Variants in CD8B observed in about 807,000 individuals in gnomAD.
The protein encoded by CD8B is CD8 subunit beta.
In CD8B, 6 loss-of-function variants were observed where a neutral mutation model predicts 24.2. The ratio of observed to expected loss-of-function variants is 0.25; its 90% CI spans 0.14 to 0.49. The LOEUF is 0.49. Among genes scored for constraint, CD8B ranks in the 20% least tolerant of loss-of-function variants. CD8B has a pLI of 0.98. For missense variants in CD8B, 196 were observed against 271.3 expected (o/e 0.72, Z 1.95); for synonymous variants, 84 against 108.3 (o/e 0.78, Z 1.39).
intron 5 of CD8B, among the ~76,000 whole-genome samples, chr2:86,830,548 CAG>C (rs1326918667): frequency 4.0e-5 from 6 of 150,322 alleles, no homozygotes; most frequent in African/African-American, 1.5e-4. Context: ...GCCTAGGGGA[CAG>C]AGTGAGACTC....
chr2:86,850,875 GAA>G (rs1675940707), intron 3 of CD8B, among the ~76,000 whole-genome samples: 1 of 152,132 alleles, frequency 6.6e-6, no homozygotes, highest in Non-Finnish European at 1.5e-5. Flanking sequence ...TGGATCACCT[GAA>G]GTCAGGAGCT....
intron 5 of CD8B, among the ~76,000 whole-genome samples, chr2:86,831,198 C>T (rs562932259): frequency 2.6e-5 from 4 of 152,204 alleles, no homozygotes; most frequent in South Asian, 2.1e-4. Flanking sequence ...GACTTCCAAT[C>T]GCTGGGATTA....
At chr2:86,816,188 G>A (rs367878821) in intron 5 of CD8B, among the ~76,000 whole-genome samples, 2 of 152,150 alleles carry the variant, frequency 1.3e-5, no homozygotes, top group African/African-American at 4.8e-5. Flanking sequence ...CTTCAGAGAG[G>A]TCCCCATGCT....
intron 1 of CD8B, among the ~76,000 whole-genome samples, chr2:86,859,109 A>C (rs1042930445): frequency 1.3e-5 from 2 of 152,094 alleles, no homozygotes; most frequent in Non-Finnish European, 2.9e-5. Flanking sequence ...CAAACTGCCG[A>C]AGGAGACCCA....
rs1454047659 is a variant in CD8B at position 86,841,549 on chromosome 2, A to G, written c.*758T>C. 41 of 983,258 alleles carry G rather than the reference A, an allele frequency of 4.2e-5. No individual in the cohort carries two copies. The highest frequency in any genetic ancestry group is 5.0e-5 in the Non-Finnish European group (41 of 828,036). 60.9% of individuals were successfully genotyped at this position (983,258 alleles called of 1,614,324 possible). A position where few individuals can be genotyped will look rare whatever the true frequency, so the allele number is the denominator to read the frequency against. ...CGGAGCACTGATGTCTTTGCTGTAG[A>G]TGGGCTTTCGCACGTTTATGTCACA... On this transcript the variant is annotated 3_prime_UTR_variant, in exon 6 of 6. Transcript: ENST00000390655.
intron 5 of CD8B, among the ~76,000 whole-genome samples, chr2:86,844,072 T>A (rs553710825): frequency 6.6e-6 from 1 of 152,212 alleles, no homozygotes; most frequent in African/African-American, 2.4e-5. Flanking sequence ...AAAAATCAAA[T>A]GCAGGAATGC....
rs1434770388 is a variant in CD8B at position 86,824,016 on chromosome 2, G to A, written c.621-8298C>T. ...ATGTGTGTGTGTGTGTGTATGCTGG[G>A]GGACACGCAGGGAGATGGCAGGCCT... On this transcript the variant is annotated intron_variant, in intron 5 of 5. Transcript: ENST00000331469. Among the ~76,000 whole-genome samples the A allele has an allele frequency of 2.0e-5, 3 of 151,412 alleles. No individual in the cohort carries two copies. The East Asian group carries it at 5.8e-4, about 29-fold the overall frequency.
intron 1 of CD8B, among the ~76,000 whole-genome samples, chr2:86,860,248 C>T (rs533162607): frequency 8.3e-4 from 127 of 152,146 alleles, no homozygotes; most frequent in African/African-American, 2.9e-3. Context: ...CCAGCCTGGG[C>T]GACAGAGCAA....
chr2:86,845,698 A>G (rs972740714), intron 4 of CD8B, among the ~76,000 whole-genome samples: 1 of 152,240 alleles, frequency 6.6e-6, no homozygotes, highest in Admixed American at 6.5e-5. Context: ...CGCTTATTTA[A>G]TATTTTATGC....
At chr2:86,833,592 C>T (rs1180460396), downstream of CD8B, among the ~76,000 whole-genome samples, 1 of 112,210 alleles carries the variant, frequency 8.9e-6, no homozygotes, top group Admixed American at 9.2e-5. Context: ...CTCTCTCACC[C>T]TTTCCCCTCC....
At position 86,830,639 on chromosome 2, in the gene CD8B, G is replaced by A. The variant is rs192553343; in HGVS notation, c.620+14283C>T. Among the ~76,000 whole-genome samples the A allele has an allele frequency of 3.4e-3, 522 of 151,976 alleles. 2 individuals carry two copies. Among genetic ancestry groups the A allele is most frequent in the Non-Finnish European group, 4.0e-3 (275 of 67,978 alleles). ...TGAATATTTTCGTGATATATTCATA[G>A]AAGTGAAATTGCTGGTTCAAAAAAA... On this transcript the variant is annotated intron_variant, in intron 5 of 5. Coordinates refer to the CD8B transcript ENST00000331469.
intron 1 of CD8B, 28 bp downstream of exon 1, chr2:86,861,795 T>C (rs1256978587): frequency 5.5e-6 from 7 of 1,271,220 alleles, no homozygotes; most frequent in Non-Finnish European, 3.0e-6. Context: ...GCGCAGACCC[T>C]TGGGTAGCCC....
Position 86,830,479 on chromosome 2 carries a change from A to G in CD8B, c.620+14443T>C, listed in dbSNP as rs182358702. ...CTACTTGGGAGGCTGAGGCATGAGAATTGCTTGAACCTGGCAGGCAGAAGT... is the reference window on the plus strand; with the variant it reads ...CTACTTGGGAGGCTGAGGCATGAGAGTTGCTTGAACCTGGCAGGCAGAAGT... On this transcript the variant is annotated intron_variant, in intron 5 of 5. Coordinates refer to the CD8B transcript ENST00000331469. Among the ~76,000 whole-genome samples, 4 of 151,776 alleles carry G rather than the reference A, an allele frequency of 2.6e-5. No individual in the cohort carries two copies. The East Asian group carries it at 7.8e-4, about 30-fold the overall frequency.
downstream of CD8B, among the ~76,000 whole-genome samples, chr2:86,833,716 C>T (rs1259758721): frequency 1.4e-5 from 2 of 143,528 alleles, no homozygotes; most frequent in African/African-American, 5.1e-5. Flanking sequence ...GGCTGGAGTG[C>T]AGTGGCTTGC....
intron 3 of CD8B, among the ~76,000 whole-genome samples, chr2:86,847,749 A>G (rs1288685117): frequency 6.6e-6 from 1 of 152,202 alleles, no homozygotes; most frequent in African/African-American, 2.4e-5. Context: ...TATTTTTAGT[A>G]GAGACGGGGT....
At position 86,861,757 on chromosome 2, in the gene CD8B, T is replaced by G. The variant is rs865950951; in HGVS notation, c.43+66A>C. The G allele has an allele frequency of 4.0e-3, 4,762 of 1,182,802 alleles. 13 individuals carry two copies. Among genetic ancestry groups the G allele is most frequent in the Middle Eastern group, 7.7e-3 (24 of 3,128 alleles). 73.3% of individuals were successfully genotyped at this position (1,182,802 alleles called of 1,614,324 possible). A position where few individuals can be genotyped will look rare whatever the true frequency, so the allele number is the denominator to read the frequency against. ...CCAGGACCAGGGCCAGGACAGCCAC[T>G]TATCACCTCCCCGCTCAGGCCCCGG... is the stretch of plus-strand genomic sequence containing the variant. On this transcript the variant is annotated intron_variant, in intron 1 of 5. Coordinates refer to ENST00000390655, the MANE Select transcript of CD8B (RefSeq NM_004931.5).
At chr2:86,857,501 T>C (rs1330322982) in intron 2 of CD8B, among the ~76,000 whole-genome samples, 1 of 152,056 alleles carries the variant, frequency 6.6e-6, no homozygotes, top group Non-Finnish European at 1.5e-5. Flanking sequence ...GGTGGATCAC[T>C]TGAGGTCAGG....
chr2:86,854,454 A>G (rs1573524826), intron 2 of CD8B, among the ~76,000 whole-genome samples: 2 of 152,310 alleles, frequency 1.3e-5, no homozygotes, highest in South Asian at 4.1e-4. Flanking sequence ...TTTAATTTCA[A>G]AGGTGAACGC....
chr2:86,843,077 A>T (rs1675512138), intron 5 of CD8B, among the ~76,000 whole-genome samples: 1 of 152,076 alleles, frequency 6.6e-6, no homozygotes, highest in Non-Finnish European at 1.5e-5. Flanking sequence ...TCATCATGGG[A>T]GACATTTTGA....
Sources: allele counts gnomAD v4.1 joint callset (sites outside exome capture counted in the v4.1 genomes callset), GRCh38; gene constraint gnomAD v4.1.1; transcripts MANE v1.5; gene names NCBI Gene and HGNC (gene_info 2026-07-23, HGNC 2026-07-21).